The following MBD5 variants were observed in gnomAD, a reference collection of about 807,000 sequenced individuals.
MBD5 encodes methyl-CpG binding domain protein 5, also known as methyl-CpG-binding domain protein 5.
A neutral mutation model predicts 117.3 loss-of-function variants in MBD5; 13 were observed. That is an observed-to-expected ratio of 0.11 (90% CI 0.07 to 0.18). MBD5 has a LOEUF of 0.18. Among genes scored for constraint, MBD5 ranks in the 10% least tolerant of loss-of-function variants. The probability of loss-of-function intolerance (pLI) is 1.00; values close to 1 mark genes in which losing one functional copy is unlikely to be tolerated. For synonymous variants in MBD5, 727 were observed against 766.4 expected, an observed-to-expected ratio of 0.95 and a Z score of 0.85; for missense variants, 1,879 against 2,093.8, an observed-to-expected ratio of 0.90 and a Z score of 2.00.
intron 4 of MBD5, among the ~76,000 whole-genome samples, chr2:148,422,207 C>G (rs926930170): frequency 2.4e-4 from 37 of 152,130 alleles, no homozygotes; most frequent in African/African-American, 8.7e-4. Flanking sequence ...TGACAGGTGC[C>G]CCTCTGGGAA....
At chr2:148,395,053 A>G (rs967279061) in intron 4 of MBD5, among the ~76,000 whole-genome samples, 2 of 152,152 alleles carry the variant, frequency 1.3e-5, no homozygotes, top group African/African-American at 4.8e-5. Flanking sequence ...CATTCATGCT[A>G]AGAGAAAAGG....
At chr2:148,247,566 C>T (rs901955952) in intron 3 of MBD5, among the ~76,000 whole-genome samples, 5 of 152,086 alleles carry the variant, frequency 3.3e-5, no homozygotes, top group African/African-American at 9.7e-5. Context: ...TAAATTTAAG[C>T]TTGTACAGCG....
chr2:148,321,887 C>T (rs1702291975), intron 3 of MBD5, among the ~76,000 whole-genome samples: 1 of 152,112 alleles, frequency 6.6e-6, no homozygotes. Flanking sequence ...CACCCCCAGC[C>T]TTAATTTTTT....
rs70995314 is a variant in MBD5, at chr2:148,389,251, C to CATATAT, written c.-557+46963_-557+46968dup. On this transcript the variant is annotated intron_variant, in intron 4 of 13. Transcript: ENST00000642680. Reference sequence around the variant, plus strand: ...ATGTGATATAAATAGGAAAAAAAAACATATATATATATATATATATATATA... The same window carrying CATATAT: ...ATGTGATATAAATAGGAAAAAAAAACATATATATATATATATATATATATATATATA... 2.8e-3 allele frequency among the ~76,000 whole-genome samples: 92 copies of CATATAT among 32,296 alleles called. 1 individual carries two copies. The highest frequency in any genetic ancestry group is 3.3e-3 in the Non-Finnish European group (49 of 14,770). 21.2% of individuals were successfully genotyped at this position (32,296 alleles called of 152,430 possible). A position where few individuals can be genotyped will look rare whatever the true frequency, so the allele number is the denominator to read the frequency against.
At chr2:148,239,718 C>CACACACAT (rs1212562659) in intron 3 of MBD5, among the ~76,000 whole-genome samples, 3 of 148,650 alleles carry the variant, frequency 2.0e-5, no homozygotes, top group Non-Finnish European at 3.0e-5. Flanking sequence ...CACACACACA[C>CACACACAT]ATATATTGAG....
chr2:148,266,323 A>G (rs1700859656), intron 3 of MBD5, among the ~76,000 whole-genome samples: 1 of 152,134 alleles, frequency 6.6e-6, no homozygotes, highest in Non-Finnish European at 1.5e-5. Context: ...ATACATTAAA[A>G]GCATTCAATA....
At chr2:148,150,468 T>A (rs1697624188) in intron 1 of MBD5, among the ~76,000 whole-genome samples, 1 of 152,214 alleles carries the variant, frequency 6.6e-6, no homozygotes, top group Admixed American at 6.5e-5. Flanking sequence ...TTTTTTCCAA[T>A]TCTGTGAAGA....
chr2:148,446,048 G>A (rs1416400990), intron 4 of MBD5, among the ~76,000 whole-genome samples: 1 of 150,816 alleles, frequency 6.6e-6, no homozygotes, highest in African/African-American at 2.5e-5. Context: ...TGTCAGATGA[G>A]TAGGTTGCAA....
chr2:148,394,948 C>G (rs1340334837), intron 4 of MBD5, among the ~76,000 whole-genome samples: 2 of 152,128 alleles, frequency 1.3e-5, no homozygotes, highest in African/African-American at 4.8e-5. Context: ...TGAGGCCAAC[C>G]ATTTCCAAGT....
intron 2 of MBD5, among the ~76,000 whole-genome samples, chr2:148,226,198 G>C (rs1699814497): frequency 6.6e-6 from 1 of 151,378 alleles, no homozygotes; most frequent in African/African-American, 2.4e-5. Flanking sequence ...GTGCCATGTT[G>C]GTGTGCTGTA....
At chr2:148,385,685 C>G (rs1022662352) in intron 4 of MBD5, among the ~76,000 whole-genome samples, 1 of 151,408 alleles carries the variant, frequency 6.6e-6, no homozygotes, top group African/African-American at 2.4e-5. Flanking sequence ...GCACTATTCA[C>G]AATAGCAAAG....
chr2:148,306,778 A>T (rs1701906602), intron 3 of MBD5, among the ~76,000 whole-genome samples: 1 of 152,184 alleles, frequency 6.6e-6, no homozygotes, highest in Non-Finnish European at 1.5e-5. Context: ...TAAGGGTCTG[A>T]TAACAATTTA....
chr2:148,436,889 A>G (rs990901703), intron 4 of MBD5, among the ~76,000 whole-genome samples: 2 of 152,230 alleles, frequency 1.3e-5, no homozygotes, highest in Non-Finnish European at 2.9e-5. Context: ...AAATGAAACT[A>G]TGCCACTAGT....
intron 1 of MBD5, among the ~76,000 whole-genome samples, chr2:148,088,763 C>T (rs1279635222): frequency 1.3e-5 from 2 of 151,930 alleles, no homozygotes; most frequent in Non-Finnish European, 2.9e-5. Flanking sequence ...CTTCTTAAAG[C>T]ATAAATCTCA....
At chr2:148,284,562 A>G (rs1349471562) in intron 3 of MBD5, among the ~76,000 whole-genome samples, 1 of 152,020 alleles carries the variant, frequency 6.6e-6, no homozygotes, top group African/African-American at 2.4e-5. Context: ...CCTTGGTATC[A>G]CCCTCTATCA....
chr2:148,475,379 T>C (rs570224345), intron 8 of MBD5, among the ~76,000 whole-genome samples: 1 of 152,152 alleles, frequency 6.6e-6, no homozygotes, highest in Non-Finnish European at 1.5e-5. Flanking sequence ...CAATGTCTTG[T>C]TGTTTAAGAA....
chr2:148,151,705 C>A (rs1386241919), intron 1 of MBD5, among the ~76,000 whole-genome samples: 1 of 152,108 alleles, frequency 6.6e-6, no homozygotes, highest in Non-Finnish European at 1.5e-5. Flanking sequence ...TCCATTTCTT[C>A]TAGATTTTCT....
chr2:148,030,711 T>C (rs1051447679), intron 1 of MBD5, among the ~76,000 whole-genome samples: 1 of 152,230 alleles, frequency 6.6e-6, no homozygotes, highest in African/African-American at 2.4e-5. Context: ...AGCAATAAGC[T>C]TATATTCATG....
At chr2:148,205,020 C>G (rs936046978) in intron 2 of MBD5, among the ~76,000 whole-genome samples, 8 of 151,886 alleles carry the variant, frequency 5.3e-5, no homozygotes, top group Admixed American at 1.3e-4. Context: ...TAAAAATATA[C>G]CACTTCTACC....
Sources: allele counts gnomAD v4.1 joint callset (sites outside exome capture counted in the v4.1 genomes callset), GRCh38; gene constraint gnomAD v4.1.1; transcripts MANE v1.5; gene names NCBI Gene and HGNC (gene_info 2026-07-23, HGNC 2026-07-21).